Variants in L3MBTL3 observed in about 807,000 individuals in gnomAD.
L3MBTL3 encodes the protein L3MBTL histone methyl-lysine binding protein 3.
Under a neutral mutation model 102.3 loss-of-function variants are expected in L3MBTL3, and 27 were observed. The ratio of observed to expected loss-of-function variants is 0.26; its 90% CI spans 0.19 to 0.36. The LOEUF is 0.36. L3MBTL3 is among the 10% of genes least tolerant of loss of function. L3MBTL3 has a pLI of 1.00. For synonymous variants in L3MBTL3, 340 were observed against 320.9 expected, an observed-to-expected ratio of 1.06 and a Z score of -0.64; for missense variants, 798 against 955.3, an observed-to-expected ratio of 0.84 and a Z score of 2.17.
At chr6:130,077,479 G>A (rs531643476) in intron 13 of L3MBTL3, among the ~76,000 whole-genome samples, 1 of 152,192 alleles carries the variant, frequency 6.6e-6, no homozygotes, top group South Asian at 2.1e-4. Context: ...AAAGGAAGAA[G>A]CCTTTAAGTA....
chr6:130,029,756 CAG>C (rs1779593863), intron 2 of L3MBTL3, among the ~76,000 whole-genome samples: 1 of 152,086 alleles, frequency 6.6e-6, no homozygotes, highest in African/African-American at 2.4e-5. Flanking sequence ...TGTGAGACTT[CAG>C]AGATCTGATA....
In L3MBTL3 at chr6:130,049,179, C is replaced by T. The variant is rs1038036682; in HGVS notation, c.103-103C>T. On this transcript the variant is annotated intron_variant, in intron 3 of 22. Transcript: ENST00000361794. ...TATAATTGTCTAAATTAACTTTTAC[C>T]ATGTAATTAATTTGCTTGAAGACTA... 24 of 662,158 alleles carry T rather than the reference C, an allele frequency of 3.6e-5. No individual in the cohort carries two copies. In the African/African-American group the frequency reaches 3.8e-4, roughly 11 times the overall value. The allele number at this position is 662,158 out of a possible 1,614,324, so 41.0% of individuals were successfully genotyped here.
At chr6:130,035,543 A>G (rs773334604) in intron 2 of L3MBTL3, among the ~76,000 whole-genome samples, 30 of 152,246 alleles carry the variant, frequency 2.0e-4, no homozygotes, top group Non-Finnish European at 3.1e-4. Context: ...ATTGTTTCAC[A>G]AAGCAGGGAC....
intron 2 of L3MBTL3, among the ~76,000 whole-genome samples, chr6:130,039,239 C>G (rs1020588523): frequency 3.3e-5 from 5 of 152,198 alleles, no homozygotes; most frequent in African/African-American, 1.2e-4. Context: ...ATCATTTCAT[C>G]TATTCCTTTC....
rs1437881786 is a variant in L3MBTL3 at position 130,068,324 on chromosome 6, C to A, written c.1001-6C>A. 3.3e-6 allele frequency: 5 copies of A among 1,516,602 alleles called. No individual in the cohort carries two copies. Among genetic ancestry groups the A allele is most frequent in the Non-Finnish European group, 4.6e-6 (5 of 1,091,738 alleles). The allele number at this position is 1,516,602 out of a possible 1,614,324, so 93.9% of individuals were successfully genotyped here. On this transcript the variant is annotated splice_region_variant and splice_polypyrimidine_tract_variant and intron_variant, in intron 11 of 22. Transcript: ENST00000361794. ...GAATCAATCTGTTCATATGTGCTTACTCTAGGGTATAAAGAAGAAGAATTC... is the reference window on the plus strand; with the variant it reads ...GAATCAATCTGTTCATATGTGCTTAATCTAGGGTATAAAGAAGAAGAATTC...
At chr6:130,126,856 G>T (rs1010668181) in intron 20 of L3MBTL3, among the ~76,000 whole-genome samples, 2 of 152,156 alleles carry the variant, frequency 1.3e-5, no homozygotes, top group African/African-American at 2.4e-5. Flanking sequence ...GTGCATAAAC[G>T]TGGGAGTCCT....
At chr6:130,069,706 CT>C (rs1018731056) in intron 12 of L3MBTL3, among the ~76,000 whole-genome samples, 3 of 152,242 alleles carry the variant, frequency 2.0e-5, no homozygotes, top group African/African-American at 7.2e-5. Flanking sequence ...GTCTGGTTCT[CT>C]GATGATGACT....
intron 18 of L3MBTL3, among the ~76,000 whole-genome samples, chr6:130,096,419 GA>G (rs1490961166): frequency 6.6e-6 from 1 of 152,184 alleles, no homozygotes; most frequent in Non-Finnish European, 1.5e-5. Flanking sequence ...AAGTTGTGAA[GA>G]AAAAGAACAA....
At chr6:130,055,109 TA>T in intron 7 of L3MBTL3, 61 bp from the exon 8 acceptor site, 1 of 1,222,426 alleles carries the variant, frequency 8.2e-7, no homozygotes, top group Non-Finnish European at 1.2e-6. Context: ...GATAGCTCTC[TA>T]ACTATTCACT....
intron 16 of L3MBTL3, among the ~76,000 whole-genome samples, chr6:130,092,324 C>G (rs921977286): frequency 6.6e-6 from 1 of 151,952 alleles, no homozygotes; most frequent in African/African-American, 2.4e-5. Context: ...GAAAGGTCCT[C>G]CTTTCCTCTC....
Position 130,052,876 on chromosome 6 carries a change from G to A in L3MBTL3, c.467G>A (p.Arg156Lys). 6.2e-7 allele frequency: 1 copy of A among 1,613,548 alleles called. No homozygotes were observed. The highest frequency in any genetic ancestry group is 8.5e-7 in the Non-Finnish European group (1 of 1,179,602). ...CACAACAGAGATCAGAAGGAAGAAA[G>A]GGACGTAGAAGAAGACAATGAGGAA... is the stretch of plus-strand genomic sequence containing the variant. ...HIKDKDQKEE[R>K]DVEEDNEEED... The change falls in exon 7 of 23, where the codon AGG becomes AAG. Residue 156 changes from arginine (R) to lysine (K), a missense_variant. Physicochemically the swap from Arg to Lys is conservative, Grantham distance 26. Coordinates refer to ENST00000361794, the MANE Select transcript of L3MBTL3 (RefSeq NM_032438.4).
chr6:130,031,222 T>C (rs1266644285), intron 2 of L3MBTL3, among the ~76,000 whole-genome samples: 7 of 152,336 alleles, frequency 4.6e-5, no homozygotes, highest in South Asian at 2.1e-4. Context: ...TATTAGACAC[T>C]ATACCAACAA....
At chr6:130,073,719 C>T (rs1782775096) in intron 13 of L3MBTL3, among the ~76,000 whole-genome samples, 1 of 152,004 alleles carries the variant, frequency 6.6e-6, no homozygotes, top group Non-Finnish European at 1.5e-5. Flanking sequence ...GTCTAGGGAA[C>T]AAACAGGAAG....
At chr6:130,076,375 C>T (rs1323603150) in intron 13 of L3MBTL3, among the ~76,000 whole-genome samples, 1 of 152,136 alleles carries the variant, frequency 6.6e-6, no homozygotes, top group Non-Finnish European at 1.5e-5. Context: ...TACCCGAGTG[C>T]TTGGTGAAAT....
chr6:130,075,309 G>T (rs1782880298), intron 13 of L3MBTL3, among the ~76,000 whole-genome samples: 1 of 152,102 alleles, frequency 6.6e-6, no homozygotes, highest in Non-Finnish European at 1.5e-5. Context: ...CTTGGGGAGG[G>T]CTTCTTAGAG....
At chr6:130,066,529 A>G (rs772891535) in intron 11 of L3MBTL3, 41 bp downstream of exon 11, 3 of 1,561,606 alleles carry the variant, frequency 1.9e-6, no homozygotes, top group South Asian at 1.2e-5. Flanking sequence ...TTCAGTAAAA[A>G]CTCATTTTCT....
chr6:130,042,562 G>A (rs1780488743), intron 2 of L3MBTL3, 123 bp from the exon 3 acceptor site: 1 of 528,866 alleles, frequency 1.9e-6, no homozygotes, highest in African/African-American at 1.9e-5. Context: ...TTTAGATCCA[G>A]GGATATGGGA....
At chr6:130,020,848 C>G (rs1778961086) in intron 1 of L3MBTL3, among the ~76,000 whole-genome samples, 1 of 151,234 alleles carries the variant, frequency 6.6e-6, no homozygotes, top group South Asian at 2.1e-4. Flanking sequence ...CCCAACGCCT[C>G]GCATCCCTTG....
At chr6:130,080,875 C>A (rs1046737154) in intron 14 of L3MBTL3, among the ~76,000 whole-genome samples, 5 of 152,164 alleles carry the variant, frequency 3.3e-5, no homozygotes, top group Non-Finnish European at 5.9e-5. Flanking sequence ...TGTGCTGATG[C>A]TACTCTTTGC....
Sources: allele counts gnomAD v4.1 joint callset (sites outside exome capture counted in the v4.1 genomes callset), GRCh38; gene constraint gnomAD v4.1.1; transcripts MANE v1.5; gene names NCBI Gene and HGNC (gene_info 2026-07-23, HGNC 2026-07-21).